CPEB3: variants seen among roughly 807,000 people sequenced by gnomAD.
CPEB3 encodes cytoplasmic polyadenylation element binding protein 3, also known as cytoplasmic polyadenylation element-binding protein 3.
CPEB3 carries 20 observed loss-of-function variants against 67.2 expected under a neutral mutation model. The ratio of observed to expected loss-of-function variants is 0.30; its 90% confidence interval spans 0.21 to 0.43. The LOEUF is 0.43. CPEB3 is among the 20% of genes least tolerant of loss of function. The pLI, the probability that CPEB3 is intolerant of heterozygous loss-of-function variation, is 1.00. For synonymous variants in CPEB3, 376 were observed against 393.1 expected (o/e 0.96, Z 0.51); for missense variants, 746 against 968.6 (o/e 0.77, Z 3.05).
intron 4 of CPEB3, among the ~76,000 whole-genome samples, chr10:92,156,815 T>C (rs1847231077): frequency 6.6e-6 from 1 of 152,220 alleles, no homozygotes; most frequent in Non-Finnish European, 1.5e-5. Context: ...AAAAGGACTG[T>C]ATGATCCACT....
At chr10:92,111,045 GA>G in intron 7 of CPEB3, 30 bp downstream of exon 7, 2 of 1,442,724 alleles carry the variant, frequency 1.4e-6, no homozygotes, top group Non-Finnish European at 2.0e-6. Flanking sequence ...ATGTGCTCTG[GA>G]AAAGCAACAG....
intron 4 of CPEB3, among the ~76,000 whole-genome samples, chr10:92,177,828 G>A (rs1848290531): frequency 6.6e-6 from 1 of 152,208 alleles, no homozygotes; most frequent in African/African-American, 2.4e-5. Context: ...AAAGTCAGGA[G>A]AACTGAGGCC....
At chr10:92,187,615 T>A in intron 3 of CPEB3, among the ~76,000 whole-genome samples, 1 of 152,208 alleles carries the variant, frequency 6.6e-6, no homozygotes, top group Non-Finnish European at 1.5e-5. Flanking sequence ...GAGAATATGA[T>A]TAATCAAACC....
At chr10:92,267,500 AT>A (rs1853112086) in intron 1 of CPEB3, among the ~76,000 whole-genome samples, 1 of 152,278 alleles carries the variant, frequency 6.6e-6, no homozygotes, top group African/African-American at 2.4e-5. Flanking sequence ...TAAGTTAAGA[AT>A]TTTTTTAAGT....
chr10:92,235,144 A>G (rs1363787889), intron 2 of CPEB3, among the ~76,000 whole-genome samples: 1 of 152,162 alleles, frequency 6.6e-6, no homozygotes, highest in Non-Finnish European at 1.5e-5. Flanking sequence ...AACAAATGGC[A>G]TTACACTGAA....
At chr10:92,290,151 T>C (rs1273682989) in intron 1 of CPEB3, among the ~76,000 whole-genome samples, 1 of 152,106 alleles carries the variant, frequency 6.6e-6, no homozygotes, top group Non-Finnish European at 1.5e-5. Flanking sequence ...ATCAAACACC[T>C]TGTAGCAGAT....
At chr10:92,275,751 G>C (rs754418739) in intron 1 of CPEB3, among the ~76,000 whole-genome samples, 6 of 151,442 alleles carry the variant, frequency 4.0e-5, no homozygotes, top group Non-Finnish European at 8.8e-5. Flanking sequence ...AGGAATTATA[G>C]AATATGTGAT....
At chr10:92,097,720 T>C (rs1478477170) in intron 7 of CPEB3, among the ~76,000 whole-genome samples, 1 of 152,204 alleles carries the variant, frequency 6.6e-6, no homozygotes, top group African/African-American at 2.4e-5. Flanking sequence ...TTTTCAAGGT[T>C]TCCCAAAGTG....
At chr10:92,078,386 C>T (rs1189801451) in intron 9 of CPEB3, among the ~76,000 whole-genome samples, 2 of 152,140 alleles carry the variant, frequency 1.3e-5, no homozygotes, top group African/African-American at 4.8e-5. Flanking sequence ...AAATACCTTT[C>T]GACCTGCCTT....
At chr10:92,274,219 A>C (rs938497366) in intron 1 of CPEB3, among the ~76,000 whole-genome samples, 9 of 152,192 alleles carry the variant, frequency 5.9e-5, no homozygotes, top group African/African-American at 2.2e-4. Context: ...AGGGCCCAAC[A>C]CATGCCCATT....
chr10:92,158,363 T>C (rs1223145319), intron 4 of CPEB3, among the ~76,000 whole-genome samples: 1 of 152,222 alleles, frequency 6.6e-6, no homozygotes, highest in African/African-American at 2.4e-5. Context: ...CTATTATCTA[T>C]ATCAGACATA....
intron 2 of CPEB3, among the ~76,000 whole-genome samples, chr10:92,200,243 G>A (rs745941744): frequency 6.6e-6 from 1 of 152,088 alleles, no homozygotes; most frequent in Non-Finnish European, 1.5e-5. Flanking sequence ...AAATAGCCCA[G>A]TATAAGATTA....
At chr10:92,113,752 T>C (rs964093449) in intron 6 of CPEB3, among the ~76,000 whole-genome samples, 5 of 152,180 alleles carry the variant, frequency 3.3e-5, no homozygotes, top group African/African-American at 4.8e-5. Context: ...GAAAAGGCGG[T>C]TGTCTCCCTA....
chr10:92,171,894 G>A (rs776855307), intron 4 of CPEB3, among the ~76,000 whole-genome samples: 3 of 152,314 alleles, frequency 2.0e-5, no homozygotes, highest in Non-Finnish European at 2.9e-5. Flanking sequence ...GGAAGTACAG[G>A]CGTGAGCCAC....
intron 6 of CPEB3, among the ~76,000 whole-genome samples, chr10:92,114,107 C>T (rs532834761): frequency 6.6e-6 from 1 of 152,240 alleles, no homozygotes; most frequent in South Asian, 2.1e-4. Context: ...TCCCCCCAAC[C>T]CCCCAAAATC....
chr10:92,109,007 A>G (rs1414753327), intron 7 of CPEB3, among the ~76,000 whole-genome samples: 1 of 152,174 alleles, frequency 6.6e-6, no homozygotes, highest in Non-Finnish European at 1.5e-5. Context: ...CGATTCTTCC[A>G]AAGTATATAA....
chr10:92,247,380 ATTATTTTATT>A (rs965825488), intron 1 of CPEB3, among the ~76,000 whole-genome samples: 6 of 151,468 alleles, frequency 4.0e-5, no homozygotes, highest in Admixed American at 1.3e-4. Flanking sequence ...ACCAAGCCTA[ATTATTTTATT>A]TTATTTTATT....
intron 7 of CPEB3, among the ~76,000 whole-genome samples, chr10:92,109,699 T>A (rs576596764): frequency 6.6e-6 from 1 of 152,316 alleles, no homozygotes; most frequent in African/African-American, 2.4e-5. Flanking sequence ...TCCTTGCCTC[T>A]TTTTCCACAT....
At chr10:92,280,947 A>G (rs1842270326) in intron 1 of CPEB3, among the ~76,000 whole-genome samples, 1 of 150,432 alleles carries the variant, frequency 6.6e-6, no homozygotes, top group Non-Finnish European at 1.5e-5. Flanking sequence ...ATTAGTAGAG[A>G]CAGGGTTTCA....
Sources: allele counts gnomAD v4.1 joint callset (sites outside exome capture counted in the v4.1 genomes callset), GRCh38; gene constraint gnomAD v4.1.1; transcripts MANE v1.5; gene names NCBI Gene and HGNC (gene_info 2026-07-23, HGNC 2026-07-21).